The following C10orf90 variants were observed in gnomAD, a reference collection of about 807,000 sequenced individuals.
C10orf90 encodes (E2-independent) E3 ubiquitin-conjugating enzyme FATS.
C10orf90 carries 56 observed loss-of-function variants against 62.5 expected under a neutral mutation model. That is an observed-to-expected ratio of 0.90 (90% CI 0.72 to 1.12). The LOEUF (loss-of-function observed/expected upper bound fraction) is 1.12. Among genes scored for constraint, C10orf90 ranks in the 50% most tolerant of loss-of-function variants. The pLI, the probability that C10orf90 is intolerant of heterozygous loss-of-function variation, is 0.00. For synonymous variants in C10orf90, 386 were observed against 340.4 expected (o/e 1.13, Z -1.47); for missense variants, 970 against 880.4 (o/e 1.10, Z -1.29).
chr10:126,509,535 T>C (rs533932287), intron 3 of C10orf90, among the ~76,000 whole-genome samples: 1 of 152,368 alleles, frequency 6.6e-6, no homozygotes, highest in Admixed American at 6.5e-5. Flanking sequence ...GATAGAAATG[T>C]AGAAGTCATG....
chr10:126,432,298 C>T (rs943386814), intron 7 of C10orf90, among the ~76,000 whole-genome samples: 1 of 152,134 alleles, frequency 6.6e-6, no homozygotes, highest in African/African-American at 2.4e-5. Context: ...GAGCCCTGAC[C>T]AAGAACTCCT....
intron 2 of C10orf90, among the ~76,000 whole-genome samples, chr10:126,604,165 C>T (rs1564889124): frequency 6.6e-6 from 1 of 152,296 alleles, no homozygotes; most frequent in East Asian, 1.9e-4. Flanking sequence ...TCCAGAAACA[C>T]AGATTCGGAG....
intron 2 of C10orf90, among the ~76,000 whole-genome samples, chr10:126,601,906 C>T (rs978131634): frequency 1.2e-4 from 19 of 152,254 alleles, no homozygotes; most frequent in South Asian, 4.1e-4. Flanking sequence ...CATTCTTATA[C>T]GCTAACCTCG....
chr10:126,521,167 T>C, intron 2 of C10orf90: 1 of 970,146 alleles, frequency 1.0e-6, no homozygotes, highest in Non-Finnish European at 1.5e-6. Context: ...TCTTTAGAGA[T>C]ACCTGGTTCA....
intron 3 of C10orf90, among the ~76,000 whole-genome samples, chr10:126,513,026 T>C (rs1863226422): frequency 6.6e-6 from 1 of 152,252 alleles, no homozygotes; most frequent in African/African-American, 2.4e-5. Context: ...GATTGATTCT[T>C]ATAATTCCAC....
intron 2 of C10orf90, among the ~76,000 whole-genome samples, chr10:126,619,846 G>T (rs949479279): frequency 6.6e-6 from 1 of 152,028 alleles, no homozygotes; most frequent in African/African-American, 2.4e-5. Context: ...TTGCCATGTT[G>T]CCCAAGCTGG....
intron 5 of C10orf90, 100 bp downstream of exon 5, chr10:126,464,596 G>C (rs1860172745): frequency 2.3e-6 from 3 of 1,279,538 alleles, no homozygotes; most frequent in Non-Finnish European, 3.3e-6. Context: ...GGTTTCATCA[G>C]GTGAACGGTG....
chr10:126,571,708 G>T (rs1042340716), intron 2 of C10orf90, among the ~76,000 whole-genome samples: 2 of 152,158 alleles, frequency 1.3e-5, no homozygotes, highest in African/African-American at 4.8e-5. Flanking sequence ...ACCCACTGGG[G>T]TTGACTTTCC....
intron 2 of C10orf90, among the ~76,000 whole-genome samples, chr10:126,626,134 A>C (rs970259369): frequency 6.6e-6 from 1 of 151,094 alleles, no homozygotes; most frequent in Non-Finnish European, 1.5e-5. Flanking sequence ...ATCTCAAAAA[A>C]AAAAAAAAAA....
At chr10:126,630,458 C>T (rs553396585) in intron 2 of C10orf90, among the ~76,000 whole-genome samples, 5 of 152,006 alleles carry the variant, frequency 3.3e-5, no homozygotes, top group Admixed American at 6.6e-5. Context: ...CTGGGCTTGG[C>T]GATGGTGGGG....
intron 2 of C10orf90, among the ~76,000 whole-genome samples, chr10:126,535,559 A>G (rs1406089590): frequency 1.3e-5 from 2 of 152,044 alleles, no homozygotes; most frequent in African/African-American, 2.4e-5. Flanking sequence ...CAAGTTAATG[A>G]GTGCAGCACA....
At chr10:126,642,516 A>T (rs1846086044) in intron 2 of C10orf90, among the ~76,000 whole-genome samples, 1 of 151,934 alleles carries the variant, frequency 6.6e-6, no homozygotes, top group Non-Finnish European at 1.5e-5. Context: ...TGGGCGACAG[A>T]GCGAGACTCC....
rs1028873446 is a variant in C10orf90 at position 126,670,569 on chromosome 10, C to G, written c.-89G>C. ...CAGGTATTGAGTGCAACAGGAGGGA[C>G]TTGGGCAGTGCCCCAGCTCGGACCT... On this transcript the variant is annotated 5_prime_UTR_variant, in exon 1 of 10. Transcript: ENST00000488181. 1 of 413,572 alleles carries G rather than the reference C, an allele frequency of 2.4e-6. No individual in the cohort carries two copies. The highest frequency in any genetic ancestry group is 2.0e-5 in the African/African-American group (1 of 49,014). 25.6% of individuals were successfully genotyped at this position (413,572 alleles called of 1,614,324 possible). A position where few individuals can be genotyped will look rare whatever the true frequency, so the allele number is the denominator to read the frequency against.
At chr10:126,586,299 G>A (rs1398509171) in intron 2 of C10orf90, among the ~76,000 whole-genome samples, 1 of 152,234 alleles carries the variant, frequency 6.6e-6, no homozygotes. Context: ...GGAGCCTTGA[G>A]CATGCCTCAC....
chr10:126,516,282 T>C (rs1863434654), intron 2 of C10orf90, among the ~76,000 whole-genome samples: 1 of 152,096 alleles, frequency 6.6e-6, no homozygotes. Flanking sequence ...GGGTGGGGTG[T>C]GGAGTTAATG....
intron 2 of C10orf90, among the ~76,000 whole-genome samples, chr10:126,618,219 C>G (rs1450550741): frequency 6.6e-6 from 1 of 152,198 alleles, no homozygotes; most frequent in African/African-American, 2.4e-5. Context: ...ACACTACCAT[C>G]AACTGTCAAG....
At chr10:126,440,823 C>A (rs1858261490) in intron 7 of C10orf90, among the ~76,000 whole-genome samples, 1 of 152,142 alleles carries the variant, frequency 6.6e-6, no homozygotes, top group Admixed American at 6.5e-5. Context: ...CAGGAAGCCA[C>A]ATTCATAGGA....
At chr10:126,516,967 G>A (rs754628753) in intron 2 of C10orf90, among the ~76,000 whole-genome samples, 130 of 152,078 alleles carry the variant, frequency 8.5e-4, no homozygotes, top group Non-Finnish European at 6.3e-4. Flanking sequence ...AAGGACCCTT[G>A]GATTAGATTG....
At chr10:126,538,584 G>A (rs1172958136) in intron 2 of C10orf90, among the ~76,000 whole-genome samples, 1 of 152,176 alleles carries the variant, frequency 6.6e-6, no homozygotes, top group Non-Finnish European at 1.5e-5. Context: ...TTTACCACTT[G>A]CCACGTGTTG....
Sources: allele counts gnomAD v4.1 joint callset (sites outside exome capture counted in the v4.1 genomes callset), GRCh38; gene constraint gnomAD v4.1.1; transcripts MANE v1.5; gene names NCBI Gene and HGNC (gene_info 2026-07-23, HGNC 2026-07-21).